PPP2R2C: variants seen among roughly 807,000 people sequenced by gnomAD.
The protein encoded by PPP2R2C is protein phosphatase 2 regulatory subunit Bgamma.
A neutral mutation model predicts 45.3 loss-of-function variants in PPP2R2C; 10 were observed. The ratio of observed to expected loss-of-function variants is 0.22; its 90% confidence interval spans 0.14 to 0.37. PPP2R2C has a LOEUF of 0.37. PPP2R2C is among the 10% of genes least tolerant of loss of function. The probability of loss-of-function intolerance (pLI) is 1.00; values close to 1 mark genes in which losing one functional copy is unlikely to be tolerated. For missense variants in PPP2R2C, 308 were observed against 619.7 expected, an observed-to-expected ratio of 0.50 and a Z score of 5.34; for synonymous variants, 257 against 245.4, an observed-to-expected ratio of 1.05 and a Z score of -0.44.
At chr4:6,351,356 C>G in intron 5 of PPP2R2C, 2 of 980,814 alleles carry the variant, frequency 2.0e-6, no homozygotes, top group Non-Finnish European at 2.4e-6. Flanking sequence ...TAAAAGTATG[C>G]AGGGCTCCAT....
upstream of PPP2R2C, among the ~76,000 whole-genome samples, chr4:6,563,781 G>C (rs1725661220): frequency 6.9e-6 from 1 of 144,216 alleles, no homozygotes. The surrounding 1 kb of genome is among the most constrained non-coding windows in gnomAD (Gnocchi z 5.8). Context: ...ACCGCGACGG[G>C]CGTCCTCCGG....
Position 6,368,183 on chromosome 4 carries a change from T to A in PPP2R2C, c.625+4340A>T, listed in dbSNP as rs13149260. On this transcript the variant is annotated intron_variant, in intron 5 of 8. Transcript: ENST00000382599. The surrounding 1 kb of genome is among the most constrained non-coding windows in gnomAD (Gnocchi z 4.2). ...TTTGGTCAATAATCATTATTTTCAC[T>A]CTCTTGCACACACCATCAGCTCCGT... is the stretch of plus-strand genomic sequence containing the variant. Among the ~76,000 whole-genome samples the A allele has an allele frequency of 2.0e-5, 3 of 151,906 alleles. No homozygotes were observed. Among genetic ancestry groups the A allele is most frequent in the African/African-American group, 2.4e-5 (1 of 41,258 alleles).
chr4:6,432,122 T>C (rs6842035), intron 1 of PPP2R2C, among the ~76,000 whole-genome samples: 149,853 of 152,282 alleles, frequency 0.98, 73,772 homozygotes, highest in Middle Eastern at 1. Context: ...GACCTTCAGA[T>C]GACAGCAGTA....
chr4:6,483,873 T>G (rs912724246), intron 2 of PPP2R2C, among the ~76,000 whole-genome samples: 7 of 152,096 alleles, frequency 4.6e-5, no homozygotes, highest in Admixed American at 4.6e-4. Flanking sequence ...ACAAAGGTTT[T>G]TACTCTGTTT....
chr4:6,402,152 A>G (rs1717458587), intron 1 of PPP2R2C, among the ~76,000 whole-genome samples: 1 of 152,160 alleles, frequency 6.6e-6, no homozygotes, highest in Non-Finnish European at 1.5e-5. Flanking sequence ...ATCCACCTGG[A>G]CGACTGTGAT....
At chr4:6,473,163 T>C (rs371103853), upstream of PPP2R2C, among the ~76,000 whole-genome samples, 33 of 152,006 alleles carry the variant, frequency 2.2e-4, 1 homozygote, top group East Asian at 5.6e-3. Context: ...GGAGGGGTGA[T>C]TGGGCCTCCC....
intron 2 of PPP2R2C, among the ~76,000 whole-genome samples, chr4:6,518,922 T>TTAAAAAAAAAA (rs1354788203): frequency 5.4e-5 from 5 of 92,902 alleles, no homozygotes; most frequent in African/African-American, 2.5e-4. Context: ...GACTCTGTCT[T>TTAAAAAAAAAA]AAAAAAAAAA....
intron 7 of PPP2R2C, among the ~76,000 whole-genome samples, chr4:6,333,094 G>T (rs769769707): frequency 3.3e-5 from 5 of 152,186 alleles, no homozygotes; most frequent in Non-Finnish European, 5.9e-5. Context: ...AGGCTTATAG[G>T]CCTGTGCTGA....
chr4:6,430,903 C>T (rs1052789055), intron 1 of PPP2R2C, among the ~76,000 whole-genome samples: 40 of 151,064 alleles, frequency 2.6e-4, no homozygotes, highest in African/African-American at 4.6e-4. Flanking sequence ...CCAGCCTGGG[C>T]GACAGAGCAA....
At chr4:6,401,018 C>T (rs1717381219) in intron 1 of PPP2R2C, among the ~76,000 whole-genome samples, 1 of 152,060 alleles carries the variant, frequency 6.6e-6, no homozygotes, top group Non-Finnish European at 1.5e-5. Flanking sequence ...TCAAGTGGCA[C>T]GTGGCAGGAC....
intron 2 of PPP2R2C, among the ~76,000 whole-genome samples, chr4:6,478,722 T>A (rs2108776835): frequency 6.6e-6 from 1 of 152,332 alleles, no homozygotes; most frequent in African/African-American, 2.4e-5. Flanking sequence ...TCAGCCGGAA[T>A]GAACTAGAAG....
At chr4:6,351,024 G>A (rs1006710378) in intron 5 of PPP2R2C, 32 of 985,166 alleles carry the variant, frequency 3.2e-5, no homozygotes, top group Non-Finnish European at 3.3e-5. Flanking sequence ...TATGTAGGAG[G>A]CCAGGCACCA....
At chr4:6,460,278 C>T (rs1226449364) in intron 1 of PPP2R2C, among the ~76,000 whole-genome samples, 1 of 152,188 alleles carries the variant, frequency 6.6e-6, no homozygotes, top group Non-Finnish European at 1.5e-5. Context: ...AGCCCTAACT[C>T]AATATGCCTG....
At chr4:6,414,116 G>T in intron 1 of PPP2R2C, 1 of 1,111,388 alleles carries the variant, frequency 9.0e-7, no homozygotes, top group East Asian at 2.7e-5. Context: ...GTGTGTGTGT[G>T]TGTGTGTACA....
chr4:6,391,817 C>T (rs1481152850), intron 1 of PPP2R2C, among the ~76,000 whole-genome samples: 2 of 152,232 alleles, frequency 1.3e-5, no homozygotes, highest in East Asian at 3.9e-4. Context: ...AGTGATCCCC[C>T]AGAACTGCCA....
intron 2 of PPP2R2C, among the ~76,000 whole-genome samples, chr4:6,534,373 C>T (rs938378147): frequency 9.9e-5 from 15 of 150,942 alleles, no homozygotes; most frequent in Non-Finnish European, 1.9e-4. Flanking sequence ...TACACTAACA[C>T]ACACCAACAT....
intron 2 of PPP2R2C, among the ~76,000 whole-genome samples, chr4:6,482,765 A>G (rs1486958115): frequency 6.6e-6 from 1 of 152,210 alleles, no homozygotes; most frequent in African/African-American, 2.4e-5. Flanking sequence ...GGCAGTATTG[A>G]ACAGCAGTGG....
rs1356373542 is a variant in PPP2R2C, at chr4:6,368,155, T to C, written c.625+4368A>G. 6.6e-6 allele frequency among the ~76,000 whole-genome samples: 1 copy of C among 152,116 alleles called. No individual in the cohort carries two copies. Among genetic ancestry groups the C allele is most frequent in the Non-Finnish European group, 1.5e-5 (1 of 68,034 alleles). The stretch of plus-strand genomic sequence containing the variant: ...GTCACTGTCCCTCACCTGGCTCAGA[T>C]TCTTTGGTCAATAATCATTATTTTC... On this transcript the variant is annotated intron_variant, in intron 5 of 8. Transcript: ENST00000382599. This position sits in a 1 kb window ranked among gnomAD's most constrained non-coding sequence, Gnocchi z 4.2.
At chr4:6,386,085 C>T (rs1716186438) in intron 1 of PPP2R2C, among the ~76,000 whole-genome samples, 2 of 152,248 alleles carry the variant, frequency 1.3e-5, no homozygotes, top group African/African-American at 4.8e-5. Context: ...TGCAGCAACT[C>T]TCTCACAGAT....
Sources: allele counts gnomAD v4.1 joint callset (sites outside exome capture counted in the v4.1 genomes callset), GRCh38; gene constraint gnomAD v4.1.1; non-coding constraint Gnocchi (gnomAD v3.1); transcripts MANE v1.5; gene names NCBI Gene and HGNC (gene_info 2026-07-23, HGNC 2026-07-21).